The following DLG2 variants were observed in gnomAD, a reference collection of about 807,000 sequenced individuals.
DLG2 encodes the protein discs large MAGUK scaffold protein 2.
A neutral mutation model predicts 132.5 loss-of-function variants in DLG2; 45 were observed. The observed-to-expected ratio is 0.34, with a 90% confidence interval of 0.27 to 0.44. DLG2 has a LOEUF of 0.44. Among genes scored for constraint, DLG2 ranks in the 20% least tolerant of loss-of-function variants. DLG2 has a pLI of 1.00. For synonymous variants in DLG2, 424 were observed against 419.6 expected (o/e 1.01, Z -0.13); for missense variants, 1,045 against 1,196.9 (o/e 0.87, Z 1.87).
At chr11:83,769,561 T>C (rs1053186720) in intron 18 of DLG2, among the ~76,000 whole-genome samples, 5 of 127,628 alleles carry the variant, frequency 3.9e-5, no homozygotes, top group African/African-American at 1.6e-4. Flanking sequence ...CTCTAGCTTC[T>C]TTTTTTTTTT....
chr11:83,743,035 T>C (rs2092646883), intron 18 of DLG2, among the ~76,000 whole-genome samples: 1 of 152,178 alleles, frequency 6.6e-6, no homozygotes, highest in Admixed American at 6.5e-5. Context: ...AGTCAATAAT[T>C]CTATCTTTGG....
intron 15 of DLG2, among the ~76,000 whole-genome samples, chr11:83,884,988 A>C (rs1473797989): frequency 2.0e-5 from 3 of 152,200 alleles, no homozygotes; most frequent in South Asian, 2.1e-4. Flanking sequence ...AAAACCACAA[A>C]GATGGGGAAA....
chr11:85,423,802 T>C (rs1365044027), intron 3 of DLG2, among the ~76,000 whole-genome samples: 1 of 152,184 alleles, frequency 6.6e-6, no homozygotes, highest in Non-Finnish European at 1.5e-5. Context: ...GAACTGAGTC[T>C]ATTTCCAGGC....
At chr11:85,394,227 A>G (rs1473845366) in intron 3 of DLG2, among the ~76,000 whole-genome samples, 1 of 152,212 alleles carries the variant, frequency 6.6e-6, no homozygotes, top group Non-Finnish European at 1.5e-5. Context: ...ATATATGTTA[A>G]TTAGATTGAT....
intron 11 of DLG2, among the ~76,000 whole-genome samples, chr11:84,019,421 C>T (rs944212516): frequency 1.1e-4 from 17 of 152,224 alleles, no homozygotes; most frequent in African/African-American, 3.8e-4. Context: ...AAGAAAGGTA[C>T]ATTTCTCTAC....
chr11:84,483,438 A>AAAAAAC, intron 7 of DLG2, among the ~76,000 whole-genome samples: 1 of 57,984 alleles, frequency 1.7e-5, no homozygotes, highest in African/African-American at 8.4e-5. Flanking sequence ...CTCAAAAAAA[A>AAAAAAC]AAAAAAAAAA....
chr11:84,319,998 C>A (rs1027394364), intron 7 of DLG2, among the ~76,000 whole-genome samples: 3 of 152,170 alleles, frequency 2.0e-5, no homozygotes, highest in Non-Finnish European at 4.4e-5. Context: ...AACTAGCCCT[C>A]TGTACTATAA....
intron 14 of DLG2, among the ~76,000 whole-genome samples, chr11:83,948,953 T>G (rs1002630216): frequency 6.6e-6 from 1 of 152,214 alleles, no homozygotes; most frequent in Non-Finnish European, 1.5e-5. Flanking sequence ...GTGAAAATAA[T>G]AACACCAATC....
At chr11:84,346,177 G>C (rs1422747971) in intron 7 of DLG2, among the ~76,000 whole-genome samples, 1 of 152,148 alleles carries the variant, frequency 6.6e-6, no homozygotes, top group Non-Finnish European at 1.5e-5. Flanking sequence ...TCTCAGTTAA[G>C]TCATATAGTG....
chr11:85,186,164 G>A (rs568538897), intron 4 of DLG2, among the ~76,000 whole-genome samples: 1 of 151,854 alleles, frequency 6.6e-6, no homozygotes, highest in East Asian at 1.9e-4. Flanking sequence ...GACATAATAT[G>A]AACCACAATT....
At chr11:84,688,913 T>C (rs1390289093) in intron 6 of DLG2, among the ~76,000 whole-genome samples, 1 of 152,160 alleles carries the variant, frequency 6.6e-6, no homozygotes, top group Non-Finnish European at 1.5e-5. Context: ...GAACAACTTC[T>C]GCATATACTT....
intron 15 of DLG2, among the ~76,000 whole-genome samples, chr11:83,899,705 G>C (rs1372279794): frequency 1.3e-5 from 2 of 152,144 alleles, no homozygotes; most frequent in African/African-American, 2.4e-5. Context: ...GGAAATGTAA[G>C]TCCAATAAGC....
intron 7 of DLG2, chr11:84,273,306 G>GA (rs752762450): frequency 0.15 from 113,269 of 758,192 alleles, 38 homozygotes; most frequent in African/African-American, 0.16. Flanking sequence ...AGTTGAAGAG[G>GA]AAAAAAAAAA....
intron 6 of DLG2, among the ~76,000 whole-genome samples, chr11:84,925,954 G>A (rs2092962339): frequency 6.6e-6 from 1 of 152,108 alleles, no homozygotes; most frequent in Non-Finnish European, 1.5e-5. Flanking sequence ...AGAAAAGATA[G>A]ACAATTGTGA....
intron 6 of DLG2, among the ~76,000 whole-genome samples, chr11:84,732,548 T>C (rs937189894): frequency 3.3e-5 from 5 of 152,132 alleles, no homozygotes; most frequent in Non-Finnish European, 5.9e-5. Flanking sequence ...GTGGTTTTTT[T>C]CCCTGCTATC....
intron 3 of DLG2, among the ~76,000 whole-genome samples, chr11:85,485,684 C>T (rs1345064029): frequency 6.6e-6 from 1 of 152,162 alleles, no homozygotes; most frequent in African/African-American, 2.4e-5. Flanking sequence ...ACTCTCACCG[C>T]AGGCTTTTGC....
chr11:84,148,739 TG>T (rs1488982425), intron 9 of DLG2, among the ~76,000 whole-genome samples: 1 of 152,150 alleles, frequency 6.6e-6, no homozygotes, highest in Non-Finnish European at 1.5e-5. Flanking sequence ...TACCTAGTAA[TG>T]GGATTGCTGG....
chr11:85,505,496 G>C lies in DLG2; in HGVS notation c.40+93161C>G, dbSNP rs550968847. Among the ~76,000 whole-genome samples the C allele has an allele frequency of 2.4e-3, 367 of 152,176 alleles. 2 individuals carry two copies. The highest frequency in any genetic ancestry group is 2.8e-3 in the Non-Finnish European group (193 of 67,994). On this transcript the variant is annotated intron_variant, in intron 3 of 27. Transcript: ENST00000376104. ...AGAAAATTATGTGGTTTTTGTCTTT[G>C]TTCTGCTTATATGATGAATTACATT...
At chr11:84,836,115 T>C (rs1238881290) in intron 6 of DLG2, among the ~76,000 whole-genome samples, 1 of 151,762 alleles carries the variant, frequency 6.6e-6, no homozygotes, top group Non-Finnish European at 1.5e-5. Context: ...GCTCTCTCAT[T>C]ATCTCTGTAA....
Sources: gnomAD v4.1 joint callset for allele counts (sites outside exome capture counted in the v4.1 genomes callset) on GRCh38, gnomAD v4.1.1 for gene constraint, MANE v1.5 for transcripts, NCBI Gene and HGNC (gene_info 2026-07-23, HGNC 2026-07-21) for gene names.